Variants in TC2N observed in about 807,000 individuals in gnomAD.
TC2N encodes tandem C2 domains, nuclear, also known as tandem C2 domains nuclear protein.
In TC2N, 51 loss-of-function variants were observed where a neutral mutation model predicts 61.9. The observed-to-expected ratio is 0.82, with a 90% CI of 0.66 to 1.04. TC2N has a LOEUF of 1.04. TC2N is among the 50% of genes least tolerant of loss of function. The pLI, the probability that TC2N is intolerant of heterozygous loss-of-function variation, is 0.00. For missense variants in TC2N, 556 were observed against 566.7 expected, an observed-to-expected ratio of 0.98 and a Z score of 0.19; for synonymous variants, 204 against 192.6, an observed-to-expected ratio of 1.06 and a Z score of -0.49.
intron 1 of TC2N, among the ~76,000 whole-genome samples, chr14:91,852,219 G>A (rs981115000): frequency 1.3e-5 from 2 of 152,162 alleles, no homozygotes; most frequent in African/African-American, 2.4e-5. Context: ...CCTGAGGTTG[G>A]GAATTTGAGA....
At chr14:91,851,098 G>T (rs1888366554) in intron 1 of TC2N, among the ~76,000 whole-genome samples, 1 of 151,988 alleles carries the variant, frequency 6.6e-6, no homozygotes, top group Admixed American at 6.6e-5. Flanking sequence ...AATAATAATA[G>T]AAATAAAGTG....
intron 1 of TC2N, among the ~76,000 whole-genome samples, chr14:91,842,599 C>T (rs757359668): frequency 2.6e-5 from 4 of 152,142 alleles, no homozygotes; most frequent in Non-Finnish European, 5.9e-5. Flanking sequence ...TTGCAAGGCC[C>T]AAACATGTAT....
At chr14:91,798,846 A>G (rs1296769748) in intron 6 of TC2N, 143 bp downstream of exon 6, 1 of 583,058 alleles carries the variant, frequency 1.7e-6, no homozygotes, top group East Asian at 3.2e-5. Flanking sequence ...CACTACCAAC[A>G]TAGTTTTATT....
intron 1 of TC2N, among the ~76,000 whole-genome samples, chr14:91,835,669 C>T (rs934621527): frequency 2.0e-5 from 3 of 152,202 alleles, no homozygotes; most frequent in African/African-American, 7.2e-5. Flanking sequence ...GAAGTCAAAT[C>T]TAAAACCTAG....
At chr14:91,849,137 T>A (rs1329382424) in intron 1 of TC2N, among the ~76,000 whole-genome samples, 1 of 152,022 alleles carries the variant, frequency 6.6e-6, no homozygotes, top group Non-Finnish European at 1.5e-5. Flanking sequence ...AGACTCAGAG[T>A]CGACATCTGC....
At chr14:91,839,766 C>T (rs563896566) in intron 1 of TC2N, among the ~76,000 whole-genome samples, 1 of 152,294 alleles carries the variant, frequency 6.6e-6, no homozygotes, top group South Asian at 2.1e-4. Flanking sequence ...TATACATATT[C>T]ATTCATTTCA....
chr14:91,823,073 T>G (rs1008637932), intron 1 of TC2N, among the ~76,000 whole-genome samples: 1 of 152,074 alleles, frequency 6.6e-6, no homozygotes, highest in Non-Finnish European at 1.5e-5. Context: ...CATGAAAACA[T>G]GAAAACATCA....
At chr14:91,810,951 G>C (rs891625678) in intron 3 of TC2N, among the ~76,000 whole-genome samples, 8 of 151,984 alleles carry the variant, frequency 5.3e-5, no homozygotes, top group African/African-American at 1.9e-4. Flanking sequence ...GCAGAAAAGA[G>C]AGGGGATAAG....
At chr14:91,808,979 G>GA (rs36036860) in intron 3 of TC2N, among the ~76,000 whole-genome samples, 29 of 150,320 alleles carry the variant, frequency 1.9e-4, no homozygotes, top group East Asian at 5.8e-4. Context: ...TAATAAGTAT[G>GA]AAAAAAAAAG....
intron 1 of TC2N, among the ~76,000 whole-genome samples, chr14:91,819,172 T>C (rs564989575): frequency 1.3e-3 from 196 of 152,100 alleles, no homozygotes; most frequent in African/African-American, 4.5e-3. Flanking sequence ...AGATTAAGAA[T>C]AGCAGCATAT....
intron 1 of TC2N, among the ~76,000 whole-genome samples, chr14:91,862,559 G>A (rs559802950): frequency 6.6e-6 from 1 of 152,242 alleles, no homozygotes; most frequent in East Asian, 1.9e-4. Flanking sequence ...GAGCAGCCTC[G>A]AGGCAATTTC....
chr14:91,788,622 T>C (rs980766373), intron 9 of TC2N, among the ~76,000 whole-genome samples: 6 of 152,222 alleles, frequency 3.9e-5, no homozygotes, highest in Admixed American at 6.5e-5. Flanking sequence ...TCATAGCTCA[T>C]TGGGAAAAAC....
At chr14:91,785,867 A>C (rs892574103) in intron 10 of TC2N, among the ~76,000 whole-genome samples, 3 of 152,148 alleles carry the variant, frequency 2.0e-5, no homozygotes, top group Non-Finnish European at 4.4e-5. Context: ...AACTATTATA[A>C]ACTTTGGAAA....
chr14:91,827,304 T>G (rs560470676), intron 1 of TC2N, among the ~76,000 whole-genome samples: 1 of 152,210 alleles, frequency 6.6e-6, no homozygotes, highest in Admixed American at 6.5e-5. Context: ...TTCTGGAAGT[T>G]TGAAGTCTGA....
At chr14:91,867,002 T>C (rs1888716491) in intron 1 of TC2N, among the ~76,000 whole-genome samples, 1 of 152,224 alleles carries the variant, frequency 6.6e-6, no homozygotes, top group African/African-American at 2.4e-5. Context: ...CACATGCCTC[T>C]GGTGCATTTA....
intron 1 of TC2N, among the ~76,000 whole-genome samples, chr14:91,823,520 C>CAA (rs1179827262): frequency 1.2e-4 from 2 of 16,572 alleles, no homozygotes; most frequent in African/African-American, 2.1e-4. Flanking sequence ...AATTCCATCT[C>CAA]AAAAAAAAAA....
At chr14:91,850,764 C>T (rs2139917885) in intron 1 of TC2N, among the ~76,000 whole-genome samples, 1 of 152,284 alleles carries the variant, frequency 6.6e-6, no homozygotes, top group East Asian at 1.9e-4. Context: ...AACCCCTTCT[C>T]TACTAAAAAT....
At chr14:91,827,251 T>G (rs540452612) in intron 1 of TC2N, among the ~76,000 whole-genome samples, 2 of 152,332 alleles carry the variant, frequency 1.3e-5, no homozygotes, top group African/African-American at 4.8e-5. Flanking sequence ...TGCAACAAAT[T>G]ACCACAAATT....
At chr14:91,851,953 A>G (rs767161584) in intron 1 of TC2N, among the ~76,000 whole-genome samples, 19 of 152,244 alleles carry the variant, frequency 1.2e-4, no homozygotes, top group Admixed American at 2.6e-4. Context: ...TCTGAAGTAC[A>G]TTTCCCAAAA....
Sources: gnomAD v4.1 joint callset for allele counts (sites outside exome capture counted in the v4.1 genomes callset) on GRCh38, gnomAD v4.1.1 for gene constraint, MANE v1.5 for transcripts, NCBI Gene and HGNC (gene_info 2026-07-23, HGNC 2026-07-21) for gene names.